Variants in WT1 observed in about 807,000 individuals in gnomAD.
The protein encoded by WT1 is Wilms tumor protein.
In WT1, 8 loss-of-function variants were observed where a neutral mutation model predicts 60.8. That is an observed-to-expected ratio of 0.13 (90% CI 0.08 to 0.24). The LOEUF is 0.24. WT1 is among the 10% of genes least tolerant of loss of function. The pLI is 1.00. For missense variants in WT1, 568 were observed against 711.8 expected (o/e 0.80, Z 2.30); for synonymous variants, 312 against 297.1 (o/e 1.05, Z -0.52).
chr11:32,422,185 C>T (rs987188118), intron 3 of WT1, among the ~76,000 whole-genome samples: 22 of 152,310 alleles, frequency 1.4e-4, no homozygotes, highest in African/African-American at 4.8e-4. Context: ...GCCCAGCAGG[C>T]CATAATGAAT....
At chr11:32,403,257 C>T (rs1213723306) in intron 5 of WT1, among the ~76,000 whole-genome samples, 2 of 152,184 alleles carry the variant, frequency 1.3e-5, no homozygotes, top group Non-Finnish European at 2.9e-5. Context: ...TTCAACACTT[C>T]CCAATGTAGT....
At chr11:32,424,196 T>C (rs1852949511) in intron 3 of WT1, among the ~76,000 whole-genome samples, 1 of 147,662 alleles carries the variant, frequency 6.8e-6, no homozygotes, top group Non-Finnish European at 1.5e-5. Context: ...ACATTGCCTA[T>C]ACAAGGGGAG....
intron 5 of WT1, among the ~76,000 whole-genome samples, chr11:32,412,509 CA>C (rs1207907918): frequency 6.6e-6 from 1 of 151,964 alleles, no homozygotes; most frequent in Non-Finnish European, 1.5e-5. Flanking sequence ...CTCCATTTTG[CA>C]GGATATTTTC....
chr11:32,388,909 T>C lies in WT1; in HGVS notation c.*149A>G, dbSNP rs1230199836. The C allele has an allele frequency of 6.3e-6, 9 of 1,435,242 alleles. No individual in the cohort carries two copies. Among genetic ancestry groups the C allele is most frequent in the Non-Finnish European group, 8.5e-6 (9 of 1,056,904 alleles). The allele number at this position is 1,435,242 out of a possible 1,614,324, so 88.9% of individuals were successfully genotyped here. A position where few individuals can be genotyped will look rare whatever the true frequency, so the allele number is the denominator to read the frequency against. On this transcript the variant is annotated 3_prime_UTR_variant, in exon 10 of 10. Transcript: ENST00000452863. The stretch of plus-strand genomic sequence containing the variant: ...ACTCTTCCAGGCACACCTGGTAGTT[T>C]CCAGAAGCACCGGTATCTTGTCTTG...
intron 5 of WT1, chr11:32,400,416 A>G: frequency 2.7e-6 from 1 of 374,318 alleles, no homozygotes; most frequent in South Asian, 2.2e-5. Flanking sequence ...GAATGCCTCA[A>G]GCTTCACGTT....
chr11:32,430,374 T>G lies in WT1; in HGVS notation c.662-1755A>C, dbSNP rs66798575. On this transcript the variant is annotated intron_variant, in intron 1 of 9. Transcript: ENST00000452863. ...TCAGGGCACCCACTATTGCCCGGAG[T>G]GAAGGCCGAATTTCTGAAAGGACAC... 0.52 allele frequency among the ~76,000 whole-genome samples: 77,010 copies of G among 147,036 alleles called. 22,835 individuals are homozygous for G. The highest frequency in any genetic ancestry group is 0.8 in the African/African-American group (32,416 of 40,270).
chr11:32,407,412 A>T lies in WT1; in HGVS notation c.1017-7368T>A, dbSNP rs938105287. On this transcript the variant is annotated intron_variant, in intron 5 of 9. Coordinates refer to ENST00000452863, the MANE Select transcript of WT1 (RefSeq NM_024426.6). The stretch of plus-strand genomic sequence containing the variant: ...CCTGGAATCCCTTATCAACAGAAGA[A>T]GTAAAAGAGAGAAAAGAAAAAGAGC... Among the ~76,000 whole-genome samples the T allele has an allele frequency of 1.1e-4, 17 of 152,236 alleles. 1 individual carries two copies. The highest frequency in any genetic ancestry group is 9.8e-4 in the Admixed American group (15 of 15,282).
At chr11:32,397,819 A>T (rs1047522177) in intron 6 of WT1, among the ~76,000 whole-genome samples, 2 of 152,222 alleles carry the variant, frequency 1.3e-5, no homozygotes, top group Admixed American at 6.5e-5. Context: ...TTAATAGGCC[A>T]TAGTGTCTCA....
At chr11:32,407,617 G>T (rs560540662) in intron 5 of WT1, among the ~76,000 whole-genome samples, 5 of 152,042 alleles carry the variant, frequency 3.3e-5, no homozygotes, top group Non-Finnish European at 7.3e-5. Flanking sequence ...TCAAACTCTT[G>T]TGTCTCTAAA....
At chr11:32,408,593 ATGAG>A (rs1852400017) in intron 5 of WT1, among the ~76,000 whole-genome samples, 1 of 150,924 alleles carries the variant, frequency 6.6e-6, no homozygotes, top group Admixed American at 6.6e-5. Flanking sequence ...GAGGGAAAGA[ATGAG>A]AGAGAGAGAG....
Position 32,394,339 on chromosome 11 carries a change from C to T in WT1, c.1265-1584G>A, listed in dbSNP as rs150053414. 3.9e-4 allele frequency among the ~76,000 whole-genome samples: 59 copies of T among 152,312 alleles called. 1 individual carries two copies. The East Asian group carries it at 0.01, about 26-fold the overall frequency. On this transcript the variant is annotated intron_variant, in intron 7 of 9. Transcript: ENST00000452863. ...CTTTCTCTGCCCAAACTACCAGCCT[C>T]CACTGGCTAACCCAAGCTGTTCTTC...
At chr11:32,390,885 G>A (rs1851795214) in intron 9 of WT1, among the ~76,000 whole-genome samples, 1 of 152,186 alleles carries the variant, frequency 6.6e-6, no homozygotes, top group South Asian at 2.1e-4. Flanking sequence ...TACTAGCTTT[G>A]TGACTTTAGA....
chr11:32,423,247 G>A (rs550594597), intron 3 of WT1, among the ~76,000 whole-genome samples: 1 of 152,324 alleles, frequency 6.6e-6, no homozygotes, highest in East Asian at 1.9e-4. Context: ...ATTCTTTCTG[G>A]GTCTGGATGG....
chr11:32,427,879 G>T (rs1853109147), intron 3 of WT1, 77 bp downstream of exon 3: 1 of 1,424,662 alleles, frequency 7.0e-7, no homozygotes, highest in Non-Finnish European at 9.5e-7. Context: ...CCCGGCTGGG[G>T]CGTTCCCAAG....
intron 5 of WT1, among the ~76,000 whole-genome samples, chr11:32,407,541 C>G (rs1178873380): frequency 6.6e-6 from 1 of 152,170 alleles, no homozygotes; most frequent in African/African-American, 2.4e-5. Flanking sequence ...GGCATCCCCC[C>G]ATCTTCACCT....
At chr11:32,399,111 G>A (rs577612872) in intron 6 of WT1, among the ~76,000 whole-genome samples, 1 of 148,470 alleles carries the variant, frequency 6.7e-6, no homozygotes, top group East Asian at 2.0e-4. Flanking sequence ...AGCCAAGATA[G>A]CGCCACTGTA....
At chr11:32,422,068 T>G (rs1172387168) in intron 3 of WT1, among the ~76,000 whole-genome samples, 1 of 152,266 alleles carries the variant, frequency 6.6e-6, no homozygotes, top group Non-Finnish European at 1.5e-5. Flanking sequence ...TCTGTGGGTG[T>G]ACCTCTACCT....
chr11:32,419,771 G>T (rs774907590), intron 3 of WT1, among the ~76,000 whole-genome samples: 3 of 152,230 alleles, frequency 2.0e-5, no homozygotes, highest in Non-Finnish European at 4.4e-5. Context: ...TCAGTTCGCT[G>T]CAACCTCAGT....
chr11:32,434,728 G>A lies in WT1; in HGVS notation c.633C>T (p.Leu211=), dbSNP rs576677344. 8.1e-6 allele frequency: 13 copies of A among 1,613,014 alleles called. No homozygotes were observed. The East Asian group carries it at 2.5e-4, about 30-fold the overall frequency. Residue 211 remains leucine (L), a synonymous_variant, in exon 1 of 10, where the codon CTC becomes CTT. Transcript: ENST00000452863. ...GATTGCGAATAGCGGGCTGGCTCTC[G>A]AGGCAGCTGGGCAGGTAGGGCGCGT...
Sources: gnomAD v4.1 joint callset for allele counts (sites outside exome capture counted in the v4.1 genomes callset) on GRCh38, gnomAD v4.1.1 for gene constraint, MANE v1.5 for transcripts, NCBI Gene and HGNC (gene_info 2026-07-23, HGNC 2026-07-21) for gene names.